Variants in KHDRBS2 observed in about 807,000 individuals in gnomAD.
The protein encoded by KHDRBS2 is KH RNA binding domain containing, signal transduction associated 2.
KHDRBS2 carries 26 observed loss-of-function variants against 44.3 expected under a neutral mutation model. That is an observed-to-expected ratio of 0.59 (90% CI 0.43 to 0.81). The LOEUF is 0.81. KHDRBS2 is among the 40% of genes least tolerant of loss of function. KHDRBS2 has a pLI of 0.00. For missense variants in KHDRBS2, 476 were observed against 433.1 expected (o/e 1.10, Z -0.88); for synonymous variants, 194 against 151.1 (o/e 1.28, Z -2.08).
In KHDRBS2 at chr6:61,894,739, G is replaced by A. The variant is rs1218148488; in HGVS notation, c.706C>T (p.Pro236Ser). Reference sequence around the variant, plus strand: ...GTAGGGACACCTCTTGCTACAGGTGGCACTGGAAGCGCTCCACGGGTTACA... The same window carrying A: ...GTAGGGACACCTCTTGCTACAGGTGACACTGGAAGCGCTCCACGGGTTACA... ...STVTRGALPV[P>S]PVARGVPTPR... is the part of the protein sequence containing the mutation. The change falls in exon 6 of 9, where the codon CCA becomes TCA. Residue 236 changes from proline to serine, a missense_variant. Coordinates refer to ENST00000281156, the MANE Select transcript of KHDRBS2 (RefSeq NM_152688.4). 6.2e-7 allele frequency: 1 copy of A among 1,613,540 alleles called. No individual in the cohort carries two copies. The highest frequency in any genetic ancestry group is 1.3e-5 in the African/African-American group (1 of 75,010).
chr6:62,271,418 T>C (rs1248565280), intron 1 of KHDRBS2, among the ~76,000 whole-genome samples: 1 of 152,186 alleles, frequency 6.6e-6, no homozygotes, highest in East Asian at 1.9e-4. Flanking sequence ...TAATACTTGA[T>C]AATAATAAAT....
chr6:61,781,684 G>T (rs1193693722), intron 6 of KHDRBS2, among the ~76,000 whole-genome samples: 1 of 151,996 alleles, frequency 6.6e-6, no homozygotes, highest in African/African-American at 2.4e-5. Context: ...GGGCTTTTAG[G>T]ATATCCATCA....
chr6:62,059,198 G>GTTTTTTTTTTTTTTTTTTTTTT lies in KHDRBS2; in HGVS notation c.220-11226_220-11205dup, dbSNP rs398001756. On this transcript the variant is annotated intron_variant, in intron 2 of 8. Coordinates refer to ENST00000281156, the MANE Select transcript of KHDRBS2 (RefSeq NM_152688.4). ...TATTTCCACATAGAAAAGTTAGGAA[G>GTTTTTTTTTTTTTTTTTTTTTT]TTTTTTTTTTTTTTTTTTTTTTTTT... is the stretch of plus-strand genomic sequence containing the variant. Among the ~76,000 whole-genome samples the GTTTTTTTTTTTTTTTTTTTTTT allele has an allele frequency of 2.6e-3, 64 of 24,886 alleles. 25 individuals carry two copies. The highest frequency in any genetic ancestry group is 3.5e-3 in the Non-Finnish European group (43 of 12,206). The allele number at this position is 24,886 out of a possible 152,430, so 16.3% of individuals were successfully genotyped here.
chr6:61,626,339 G>A, the KHDRBS2 span, among the ~76,000 whole-genome samples: 2 of 152,180 alleles, frequency 1.3e-5, no homozygotes, highest in African/African-American at 4.8e-5. Flanking sequence ...GGGTAGGCTG[G>A]TTGGTCTTCT....
intron 3 of KHDRBS2, among the ~76,000 whole-genome samples, chr6:62,042,515 G>T (rs143752125): frequency 5.5e-4 from 84 of 152,168 alleles, no homozygotes; most frequent in African/African-American, 1.9e-3. Flanking sequence ...AGTTGAAACA[G>T]GAGTCTATGT....
At chr6:61,833,613 T>C (rs1348263680) in intron 6 of KHDRBS2, among the ~76,000 whole-genome samples, 2 of 151,752 alleles carry the variant, frequency 1.3e-5, no homozygotes, top group Non-Finnish European at 2.9e-5. Context: ...AACCCCAGCA[T>C]ATAGTTCTCC....
chr6:61,562,274 G>A, the KHDRBS2 span, among the ~76,000 whole-genome samples: 2 of 152,252 alleles, frequency 1.3e-5, no homozygotes, highest in East Asian at 1.9e-4. Flanking sequence ...AAATCAGGGA[G>A]GGAACTCAAT....
At chr6:62,030,815 T>G (rs1252284509) in intron 3 of KHDRBS2, among the ~76,000 whole-genome samples, 1 of 152,246 alleles carries the variant, frequency 6.6e-6, no homozygotes, top group South Asian at 2.1e-4. Context: ...TGAAAACATA[T>G]GTCCACACAA....
At chr6:62,160,339 C>T (rs208994) in intron 2 of KHDRBS2, among the ~76,000 whole-genome samples, 121,253 of 152,128 alleles carry the variant, frequency 0.8, 48,967 homozygotes, top group African/African-American at 0.93. Flanking sequence ...AAATAGGTTG[C>T]CTAAGTTAGA....
intron 6 of KHDRBS2, among the ~76,000 whole-genome samples, chr6:61,879,418 A>G (rs543859767): frequency 2.4e-4 from 37 of 151,988 alleles, no homozygotes; most frequent in Non-Finnish European, 3.2e-4. Context: ...ACATCTTTAC[A>G]TGCTGTTAGC....
chr6:62,179,490 T>A (rs1821822164), intron 1 of KHDRBS2, among the ~76,000 whole-genome samples: 1 of 151,606 alleles, frequency 6.6e-6, no homozygotes. Context: ...GCAAAGAAAA[T>A]CCATTCATCA....
intron 1 of KHDRBS2, among the ~76,000 whole-genome samples, chr6:62,248,539 A>G (rs1234600550): frequency 1.3e-5 from 2 of 151,888 alleles, no homozygotes; most frequent in African/African-American, 4.8e-5. Flanking sequence ...TTAAATTTTT[A>G]GTAGAGACGG....
the KHDRBS2 span, among the ~76,000 whole-genome samples, chr6:61,625,216 A>C: frequency 2.8e-4 from 42 of 151,904 alleles, no homozygotes; most frequent in African/African-American, 9.2e-4. Context: ...TATCCAGGTC[A>C]TGTCACCAGG....
intron 2 of KHDRBS2, among the ~76,000 whole-genome samples, chr6:62,164,818 T>C (rs944648464): frequency 6.6e-5 from 10 of 151,914 alleles, no homozygotes; most frequent in African/African-American, 2.4e-4. Flanking sequence ...ATTTTCCGCA[T>C]GCCCTAAAAT....
chr6:62,083,597 G>A (rs1797838505), intron 2 of KHDRBS2, among the ~76,000 whole-genome samples: 1 of 152,042 alleles, frequency 6.6e-6, no homozygotes, highest in South Asian at 2.1e-4. Flanking sequence ...TCTGTTGCAG[G>A]CCCACATGGA....
At chr6:61,969,316 C>A (rs1262672289) in intron 4 of KHDRBS2, among the ~76,000 whole-genome samples, 1 of 152,022 alleles carries the variant, frequency 6.6e-6, no homozygotes, top group Non-Finnish European at 1.5e-5. Flanking sequence ...CACTAACATG[C>A]ACAGTTACTA....
At chr6:61,886,203 G>T (rs1800929620) in intron 6 of KHDRBS2, among the ~76,000 whole-genome samples, 1 of 152,102 alleles carries the variant, frequency 6.6e-6, no homozygotes, top group Admixed American at 6.6e-5. Context: ...TTTATTATAA[G>T]TGAAGTTACA....
At chr6:61,657,836 G>GA in the KHDRBS2 span, among the ~76,000 whole-genome samples, 2 of 151,824 alleles carry the variant, frequency 1.3e-5, no homozygotes, top group African/African-American at 4.8e-5. Context: ...TTCTTGGAAA[G>GA]AAAAAACCTA....
At chr6:61,606,632 G>A in the KHDRBS2 span, among the ~76,000 whole-genome samples, 1 of 152,156 alleles carries the variant, frequency 6.6e-6, no homozygotes, top group Non-Finnish European at 1.5e-5. Flanking sequence ...ATAGGAAAGA[G>A]AAAGAAAGAA....
Sources: gnomAD v4.1 joint callset for allele counts (sites outside exome capture counted in the v4.1 genomes callset) on GRCh38, gnomAD v4.1.1 for gene constraint, MANE v1.5 for transcripts, NCBI Gene and HGNC (gene_info 2026-07-23, HGNC 2026-07-21) for gene names.